KLF16: variants seen among roughly 807,000 people sequenced by gnomAD.
The protein encoded by KLF16 is Krueppel-like factor 16.
A neutral mutation model predicts 6.1 loss-of-function variants in KLF16; 6 were observed. The observed-to-expected ratio is 0.98, with a 90% CI of 0.54 to 1.93. The LOEUF is 1.93. Ranked by LOEUF, KLF16 falls within the 30% of genes most tolerant of loss-of-function variation. The pLI, the probability that KLF16 is intolerant of heterozygous loss-of-function variation, is 0.01. For synonymous variants in KLF16, 211 were observed against 176.5 expected (o/e 1.20, Z -1.55); for missense variants, 355 against 363.8 (o/e 0.98, Z 0.20).
chr19:1,866,847 G>A (rs1002667009), upstream of KLF16, among the ~76,000 whole-genome samples: 5 of 150,872 alleles, frequency 3.3e-5, no homozygotes, highest in African/African-American at 9.8e-5. Flanking sequence ...GGAGAGGACC[G>A]AGAACAGCCG....
At chr19:1,874,747 A>AAAAAAC in the KLF16 span, 1 of 15,660 alleles carries the variant, frequency 6.4e-5, no homozygotes, top group Non-Finnish European at 1.2e-4. Flanking sequence ...TCAGAGTCCC[A>AAAAAAC]AAAAAAAAAA....
At chr19:1,866,288 CAA>C (rs567942323), upstream of KLF16, among the ~76,000 whole-genome samples, 39 of 146,234 alleles carry the variant, frequency 2.7e-4, no homozygotes, top group Non-Finnish European at 3.7e-4. Flanking sequence ...ACCTGGGCGA[CAA>C]GAGCAAAAAC....
At position 1,854,226 on chromosome 19, in the gene KLF16, T is replaced by G; in HGVS notation, c.*233A>C. 2.2e-6 allele frequency: 1 copy of G among 464,630 alleles called. No individual in the cohort carries two copies. 28.8% of individuals were successfully genotyped at this position (464,630 alleles called of 1,614,324 possible). On this transcript the variant is annotated 3_prime_UTR_variant, in exon 2 of 2. Transcript: ENST00000250916. ...CCCCGTTGCACAGATGGGAAGAAAG[T>G]TAGTATCATGGCTATTTACAGACAC...
At chr19:1,865,659 A>G (rs2012176891), upstream of KLF16, among the ~76,000 whole-genome samples, 1 of 152,152 alleles carries the variant, frequency 6.6e-6, no homozygotes, top group Non-Finnish European at 1.5e-5. Flanking sequence ...GTTTCAAGTG[A>G]GTGGCCTCAT....
chr19:1,854,834 C>T, intron 1 of KLF16, 74 bp from the exon 2 acceptor site: 1 of 1,510,128 alleles, frequency 6.6e-7, no homozygotes, highest in East Asian at 2.3e-5. Context: ...CCAGCAGATC[C>T]CAAAGGGTGG....
rs1051544570 is a variant in KLF16 at position 1,858,114 on chromosome 19, C to T, written c.458-3354G>A. ...AACCCCCTGCTGTTCCCGCCAAACA[C>T]GCAGGCAGGCATACCCACCCTTGTG... On this transcript the variant is annotated intron_variant, in intron 1 of 1. Coordinates refer to ENST00000250916, the MANE Select transcript of KLF16 (RefSeq NM_031918.4). Among the ~76,000 whole-genome samples, 4 of 152,094 alleles carry T rather than the reference C, an allele frequency of 2.6e-5. No homozygotes were observed. The South Asian group carries it at 8.3e-4, about 32-fold the overall frequency.
At chr19:1,856,464 G>A (rs574523052) in intron 1 of KLF16, among the ~76,000 whole-genome samples, 2 of 152,318 alleles carry the variant, frequency 1.3e-5, no homozygotes, top group South Asian at 4.2e-4. Flanking sequence ...TGTGAATCCA[G>A]GCAGCTGGAG....
chr19:1,863,572 G>T lies in KLF16; in HGVS notation c.-75C>A. The T allele has an allele frequency of 2.8e-6, 2 of 723,762 alleles. No individual in the cohort carries two copies. The highest frequency in any genetic ancestry group is 3.4e-6 in the Non-Finnish European group (2 of 594,266). 44.8% of individuals were successfully genotyped at this position (723,762 alleles called of 1,614,324 possible). ...GGCGTCCGTCCGGCCGGCGGCGGCT[G>T]CTCGAGTGCGGGAGGCGGAGGAGGA... On this transcript the variant is annotated 5_prime_UTR_variant, in exon 1 of 2. Coordinates refer to ENST00000250916, the MANE Select transcript of KLF16 (RefSeq NM_031918.4).
At chr19:1,872,033 C>G in the KLF16 span, among the ~76,000 whole-genome samples, 6 of 152,188 alleles carry the variant, frequency 3.9e-5, no homozygotes, top group African/African-American at 1.4e-4. Flanking sequence ...GGGAGGGGAC[C>G]AGGACCCCCA....
At chr19:1,867,940 G>GTC (rs1233924500), upstream of KLF16, among the ~76,000 whole-genome samples, 1 of 151,246 alleles carries the variant, frequency 6.6e-6, no homozygotes, top group Admixed American at 6.6e-5. Context: ...GTGTGTGTGT[G>GTC]TGTGTGTGTG....
At chr19:1,867,232 G>A (rs1041620383), upstream of KLF16, among the ~76,000 whole-genome samples, 4 of 152,156 alleles carry the variant, frequency 2.6e-5, no homozygotes, top group African/African-American at 9.7e-5. Flanking sequence ...ATAACCGGGG[G>A]TGCACCCACA....
upstream of KLF16, among the ~76,000 whole-genome samples, chr19:1,864,279 AC>A (rs35864738): frequency 0.26 from 40,071 of 151,436 alleles, 6,182 homozygotes; most frequent in African/African-American, 0.42. Context: ...CACGTGCGCG[AC>A]CCTTCCCCCC....
chr19:1,867,917 T>C (rs1204182848), upstream of KLF16, among the ~76,000 whole-genome samples: 1 of 138,888 alleles, frequency 7.2e-6, no homozygotes, highest in African/African-American at 2.7e-5. Flanking sequence ...GAGGGGGTAA[T>C]ATGTAAGGAC....
rs772028774 is a variant in KLF16 at position 1,854,714 on chromosome 19, G to A, written c.504C>T (p.Phe168=). 4.9e-5 allele frequency: 78 copies of A among 1,598,900 alleles called. No homozygotes were observed. In the East Asian group the frequency reaches 6.2e-4, roughly 13 times the overall value. The change falls in exon 2 of 2, where the codon TTC becomes TTT. Residue 168 remains phenylalanine (F), a synonymous_variant. Coordinates refer to ENST00000250916, the MANE Select transcript of KLF16 (RefSeq NM_031918.4). ...GGCGGGCCAGCTCGTCGGAGCGGGC[G>A]AACTTCTTGTCGCAGCCCTGCCAGT... ...ACDWQGCDKK[F]ARSDELARHH...
chr19:1,865,039 C>A (rs1465424501), upstream of KLF16, among the ~76,000 whole-genome samples: 2 of 152,248 alleles, frequency 1.3e-5, no homozygotes, highest in Non-Finnish European at 2.9e-5. Context: ...CAGCTGACGC[C>A]CTGAGGCTGA....
the KLF16 span, among the ~76,000 whole-genome samples, chr19:1,869,158 A>G: frequency 6.6e-6 from 1 of 152,222 alleles, no homozygotes; most frequent in Non-Finnish European, 1.5e-5. Context: ...CCGGGGTTTC[A>G]CTGTCAGAGC....
chr19:1,857,134 C>G lies in KLF16; in HGVS notation c.458-2374G>C, dbSNP rs570435156. On this transcript the variant is annotated intron_variant, in intron 1 of 1. Transcript: ENST00000250916. The surrounding 1 kb of genome is among the most constrained non-coding windows in gnomAD (Gnocchi z 4.7). ...TCTCCGGCCTGGGTGCCTGCCAGCC[C>G]CGCCCCGCGCTTGGAGACTGAGGCG... Among the ~76,000 whole-genome samples, 626 of 152,236 alleles carry G rather than the reference C, an allele frequency of 4.1e-3. 4 individuals carry two copies. Among genetic ancestry groups the G allele is most frequent in the African/African-American group, 0.015 (604 of 41,530 alleles).
intron 1 of KLF16, 23 bp downstream of exon 1, chr19:1,863,018 G>A (rs1288447834): frequency 2.3e-6 from 3 of 1,292,388 alleles, no homozygotes; most frequent in Non-Finnish European, 1.0e-6. Context: ...CCCCGCAAGG[G>A]CCGGGATCGC....
chr19:1,872,531 CGG>C, the KLF16 span, among the ~76,000 whole-genome samples: 3 of 152,166 alleles, frequency 2.0e-5, no homozygotes, highest in Non-Finnish European at 2.9e-5. Context: ...TTGGGGAGGG[CGG>C]GTCCCAGAGT....
Sources: allele counts gnomAD v4.1 joint callset (sites outside exome capture counted in the v4.1 genomes callset), GRCh38; gene constraint gnomAD v4.1.1; non-coding constraint Gnocchi (gnomAD v3.1); transcripts MANE v1.5; gene names NCBI Gene and HGNC (gene_info 2026-07-23, HGNC 2026-07-21).